The following CSMD3 variants were observed in gnomAD, a reference collection of about 807,000 sequenced individuals.
The protein encoded by CSMD3 is CUB and sushi domain-containing protein 3.
In CSMD3, 177 loss-of-function variants were observed where a neutral mutation model predicts 435.2. That is an observed-to-expected ratio of 0.41 (90% CI 0.36 to 0.46). The LOEUF (loss-of-function observed/expected upper bound fraction) is 0.46, where lower values mean the gene tolerates loss of function less well. Among genes scored for constraint, CSMD3 ranks in the 20% least tolerant of loss-of-function variants. CSMD3 has a pLI of 0.34. For synonymous variants in CSMD3, 1,656 were observed against 1,520.5 expected, an observed-to-expected ratio of 1.09 and a Z score of -2.07; for missense variants, 4,265 against 4,504.6, an observed-to-expected ratio of 0.95 and a Z score of 1.52.
rs562663788 is a variant in CSMD3, at chr8:112,553,148, TA to T, written c.4235-429del. ...CTTTACTGCAGTCCCTCAGGCCTTCTAAATTTCATTGTCCTTTTATTTCCCC... is the reference window on the plus strand; with the variant it reads ...CTTTACTGCAGTCCCTCAGGCCTTCTAATTTCATTGTCCTTTTATTTCCCC... On this transcript the variant is annotated intron_variant, in intron 25 of 70. Coordinates refer to ENST00000297405, the MANE Select transcript of CSMD3 (RefSeq NM_198123.2). Among the ~76,000 whole-genome samples the T allele has an allele frequency of 2.5e-3, 386 of 152,220 alleles. 2 individuals carry two copies. The highest frequency in any genetic ancestry group is 9.0e-3 in the African/African-American group (374 of 41,572).
At chr8:112,997,034 G>C (rs974265784) in intron 6 of CSMD3, among the ~76,000 whole-genome samples, 2 of 151,486 alleles carry the variant, frequency 1.3e-5, no homozygotes, top group African/African-American at 4.8e-5. Flanking sequence ...ACTGATTAGT[G>C]TCTATGAATG....
chr8:112,614,520 C>T (rs1833516091), intron 22 of CSMD3, among the ~76,000 whole-genome samples: 1 of 151,950 alleles, frequency 6.6e-6, no homozygotes. Context: ...CTTTCAATGT[C>T]CCCCACTCCC....
chr8:113,134,734 C>T (rs1043118511), intron 4 of CSMD3, among the ~76,000 whole-genome samples: 3 of 151,884 alleles, frequency 2.0e-5, no homozygotes, highest in Non-Finnish European at 4.4e-5. Context: ...TGGTCTTAGT[C>T]TGCTTTATGT....
intron 46 of CSMD3, among the ~76,000 whole-genome samples, chr8:112,319,434 T>G (rs1672177556): frequency 2.0e-5 from 3 of 152,160 alleles, no homozygotes. Flanking sequence ...TTATTTGGGT[T>G]GAATTTCCAA....
At chr8:113,104,219 A>G (rs2090412162) in intron 4 of CSMD3, among the ~76,000 whole-genome samples, 1 of 152,102 alleles carries the variant, frequency 6.6e-6, no homozygotes, top group African/African-American at 2.4e-5. Flanking sequence ...GGAGAGAAGT[A>G]CACTTGGTCG....
At chr8:113,364,001 T>C (rs1453520087) in intron 1 of CSMD3, among the ~76,000 whole-genome samples, 1 of 152,180 alleles carries the variant, frequency 6.6e-6, no homozygotes, top group Admixed American at 6.6e-5. Context: ...CAGATTTGTG[T>C]TTCACATTTA....
intron 3 of CSMD3, among the ~76,000 whole-genome samples, chr8:113,258,931 T>C (rs1363423614): frequency 6.6e-6 from 1 of 152,130 alleles, no homozygotes; most frequent in Non-Finnish European, 1.5e-5. Context: ...TATTTTCTGA[T>C]GAATTGGATA....
chr8:112,516,177 C>T (rs956709588), intron 28 of CSMD3, among the ~76,000 whole-genome samples: 4 of 152,010 alleles, frequency 2.6e-5, no homozygotes, highest in African/African-American at 9.7e-5. Flanking sequence ...GATACATTTG[C>T]ATGTACCAAA....
intron 22 of CSMD3, among the ~76,000 whole-genome samples, chr8:112,605,282 T>C (rs896216543): frequency 4.0e-4 from 61 of 152,140 alleles, no homozygotes; most frequent in African/African-American, 1.4e-3. Context: ...TTACTGAGTA[T>C]TTACTCAAAG....
At chr8:112,692,962 TATCTATCTATC>T (rs879479783) in intron 13 of CSMD3, among the ~76,000 whole-genome samples, 4 of 142,232 alleles carry the variant, frequency 2.8e-5, no homozygotes, top group Admixed American at 7.1e-5. Context: ...TCTATCTATC[TATCTATCTATC>T]GAGAGAAAAT....
intron 22 of CSMD3, among the ~76,000 whole-genome samples, chr8:112,606,410 C>T (rs1388229057): frequency 2.0e-5 from 3 of 152,150 alleles, no homozygotes; most frequent in African/African-American, 7.2e-5. Flanking sequence ...GCTGCAGAAG[C>T]TACTAATAGC....
intron 59 of CSMD3, among the ~76,000 whole-genome samples, chr8:112,273,336 A>T (rs1338276839): frequency 6.6e-6 from 1 of 152,140 alleles, no homozygotes; most frequent in African/African-American, 2.4e-5. Context: ...AACTATTTTC[A>T]TTATTTCAAT....
At chr8:112,979,580 T>C (rs1345177876) in intron 6 of CSMD3, among the ~76,000 whole-genome samples, 1 of 151,536 alleles carries the variant, frequency 6.6e-6, no homozygotes, top group Non-Finnish European at 1.5e-5. Context: ...AATAATTCAA[T>C]ATTAAATATA....
chr8:112,963,129 C>G (rs2084292901), intron 7 of CSMD3, among the ~76,000 whole-genome samples: 1 of 151,866 alleles, frequency 6.6e-6, no homozygotes, highest in African/African-American at 2.4e-5. Context: ...CTCACCATTG[C>G]AATTATTGGA....
intron 38 of CSMD3, among the ~76,000 whole-genome samples, chr8:112,380,096 C>T (rs1829331487): frequency 6.6e-6 from 1 of 152,146 alleles, no homozygotes; most frequent in African/African-American, 2.4e-5. Context: ...CACACTTAAA[C>T]ATTTGTTGAG....
intron 31 of CSMD3, among the ~76,000 whole-genome samples, chr8:112,490,701 T>A (rs1231605263): frequency 1.3e-5 from 2 of 152,152 alleles, no homozygotes; most frequent in African/African-American, 4.8e-5. Flanking sequence ...TTTTCTATAG[T>A]TTCCAAATGA....
At chr8:113,004,179 T>C (rs931573298) in intron 6 of CSMD3, among the ~76,000 whole-genome samples, 3 of 151,970 alleles carry the variant, frequency 2.0e-5, no homozygotes, top group South Asian at 4.1e-4. Flanking sequence ...CAACAAAATA[T>C]TAAGGACTAC....
At chr8:112,648,284 T>A (rs1172362421) in intron 19 of CSMD3, among the ~76,000 whole-genome samples, 5 of 152,152 alleles carry the variant, frequency 3.3e-5, no homozygotes, top group Non-Finnish European at 7.3e-5. Flanking sequence ...CAGAAAAAAA[T>A]TATTATTAAG....
At chr8:113,296,530 A>T (rs1198256119) in intron 2 of CSMD3, among the ~76,000 whole-genome samples, 1 of 152,046 alleles carries the variant, frequency 6.6e-6, no homozygotes, top group Non-Finnish European at 1.5e-5. Flanking sequence ...TCTCAAAAAA[A>T]ACCCAACCAA....
Sources: gnomAD v4.1 joint callset for allele counts (sites outside exome capture counted in the v4.1 genomes callset) on GRCh38, gnomAD v4.1.1 for gene constraint, MANE v1.5 for transcripts, NCBI Gene and HGNC (gene_info 2026-07-23, HGNC 2026-07-21) for gene names.